DOP1A: variants seen among roughly 807,000 people sequenced by gnomAD.
The protein encoded by DOP1A is DOP1 leucine zipper like protein A, also known as protein DOP1A.
In DOP1A, 90 loss-of-function variants were observed where a neutral mutation model predicts 267.6. The observed-to-expected ratio is 0.34, with a 90% CI of 0.28 to 0.40. The LOEUF (loss-of-function observed/expected upper bound fraction) is 0.40. DOP1A is among the 10% of genes least tolerant of loss of function. The pLI is 1.00. For missense variants in DOP1A, 2,437 were observed against 2,900.4 expected (o/e 0.84, Z 3.67); for synonymous variants, 932 against 999.1 (o/e 0.93, Z 1.27).
chr6:83,142,385 G>A (rs1471880449), intron 24 of DOP1A, among the ~76,000 whole-genome samples: 2 of 152,234 alleles, frequency 1.3e-5, no homozygotes, highest in Admixed American at 6.5e-5. Flanking sequence ...GCACACGCCT[G>A]TAGTCCCAGG....
At chr6:83,162,983 A>G (rs1003439782) in intron 38 of DOP1A, 64 bp downstream of exon 38, 7 of 1,504,338 alleles carry the variant, frequency 4.7e-6, no homozygotes, top group Non-Finnish European at 6.3e-6. Flanking sequence ...TGAGGTATTT[A>G]TTAAATACTT....
downstream of DOP1A, chr6:83,170,439 T>TTTCA: frequency 6.2e-7 from 1 of 1,614,156 alleles, no homozygotes; most frequent in Non-Finnish European, 8.5e-7. Flanking sequence ...ACTGCTTGTC[T>TTTCA]TTCAGCATCG....
intron 24 of DOP1A, 75 bp from the exon 25 acceptor site, chr6:83,145,449 A>C (rs1016727374): frequency 1.6e-6 from 2 of 1,262,690 alleles, no homozygotes; most frequent in Non-Finnish European, 2.1e-6. Flanking sequence ...AAGAGATCAT[A>C]AAATACTCTC....
In DOP1A at chr6:83,140,046, C is replaced by G. The variant is rs1464604089; in HGVS notation, c.5167C>G (p.Leu1723Val). The G allele has an allele frequency of 1.2e-6, 2 of 1,613,664 alleles. No individual in the cohort carries two copies. Among genetic ancestry groups the G allele is most frequent in the Non-Finnish European group, 8.5e-7 (1 of 1,179,770 alleles). ...SIIPPDMILT[L>V]LEGITAIIHY... ...TATTCCACCAGATATGATTCTTACT[C>G]TTTTGGAAGGGATTACAGCCATTAT... The change falls in exon 22 of 39, where the codon CTT (leucine) becomes GTT (valine). Residue 1723 changes from leucine (L) to valine (V), a missense_variant. Leu to Val is a conservative substitution (Grantham distance 32). This residue lies in a region of DOP1A where 307 missense variants were observed against 308.6 expected (regional missense o/e 0.99). Coordinates refer to ENST00000349129, the MANE Select transcript of DOP1A (RefSeq NM_015018.4).
intron 6 of DOP1A, among the ~76,000 whole-genome samples, chr6:83,112,210 A>C (rs978414875): frequency 1.3e-5 from 2 of 152,132 alleles, no homozygotes; most frequent in Non-Finnish European, 2.9e-5. Flanking sequence ...GCTACTATAG[A>C]TAAATAAAAA....
chr6:83,148,417 A>G (rs992176469), intron 26 of DOP1A, among the ~76,000 whole-genome samples: 1 of 151,838 alleles, frequency 6.6e-6, no homozygotes, highest in African/African-American at 2.4e-5. Flanking sequence ...CCATCTCAAA[A>G]AAAAAGACAA....
chr6:83,076,692 C>A (rs1767152428), intron 1 of DOP1A, among the ~76,000 whole-genome samples: 1 of 151,954 alleles, frequency 6.6e-6, no homozygotes, highest in Non-Finnish European at 1.5e-5. Flanking sequence ...TGGTTCAGCC[C>A]CTGTGGAACA....
At position 83,073,041 on chromosome 6, in the gene DOP1A, A is replaced by G; in HGVS notation, c.-147+5262A>G. ...AAATAAGTGTTTGAATGACTTCCATATTATATACAGCATTACCACCAAGTA... is the reference window on the plus strand; with the variant it reads ...AAATAAGTGTTTGAATGACTTCCATGTTATATACAGCATTACCACCAAGTA... On this transcript the variant is annotated intron_variant, in intron 1 of 38. Transcript: ENST00000349129. The G allele has an allele frequency of 6.2e-6, 2 of 324,632 alleles. 1 individual carries two copies. The highest frequency in any genetic ancestry group is 5.1e-5 in the South Asian group (2 of 39,598). The allele number at this position is 324,632 out of a possible 1,614,324, so 20.1% of individuals were successfully genotyped here.
chr6:83,075,601 C>T (rs1055455352), intron 1 of DOP1A, among the ~76,000 whole-genome samples: 2 of 152,112 alleles, frequency 1.3e-5, no homozygotes, highest in Non-Finnish European at 2.9e-5. Flanking sequence ...AAAATTATTG[C>T]AAAGCTATAG....
rs1260111940 is a variant in DOP1A, at chr6:83,125,594, C to T, written c.1580C>T (p.Ser527Phe). 1.9e-6 allele frequency: 3 copies of T among 1,613,858 alleles called. No individual in the cohort carries two copies. In the South Asian group the frequency reaches 3.3e-5, roughly 18 times the overall value. The change falls in exon 15 of 39, where the codon TCT becomes TTT. Residue 527 changes from serine to phenylalanine, a missense_variant. Ser to Phe is a radical substitution (Grantham distance 155). This residue lies in a region of DOP1A where 498 missense variants were observed against 513.5 expected (regional missense o/e 0.97). Transcript: ENST00000349129. The part of the protein sequence containing the change: ...LTSHLQTLHL[S>F]ELTDSLRLCS... ...AGCCATCTCCAGACATTGCACTTAT[C>T]TGAACTCACAGATTCTCTCAGACTC...
At chr6:83,149,898 A>T (rs1781297771) in intron 27 of DOP1A, among the ~76,000 whole-genome samples, 1 of 152,172 alleles carries the variant, frequency 6.6e-6, no homozygotes, top group South Asian at 2.1e-4. Flanking sequence ...GAGGTTAAGG[A>T]AGGTGAGGAA....
At chr6:83,135,551 A>T (rs1381303453) in intron 19 of DOP1A, 68 bp from the exon 20 acceptor site, 1 of 1,452,412 alleles carries the variant, frequency 6.9e-7, no homozygotes, top group African/African-American at 1.4e-5. Flanking sequence ...AGAATTTATT[A>T]ATTTTATAAA....
intron 36 of DOP1A, 57 bp downstream of exon 36, chr6:83,158,679 G>T: frequency 8.4e-7 from 1 of 1,184,992 alleles, no homozygotes; most frequent in Non-Finnish European, 1.2e-6. Context: ...AAATTATTCA[G>T]AATATTACTC....
intron 1 of DOP1A, among the ~76,000 whole-genome samples, chr6:83,086,358 C>A (rs572632947): frequency 6.6e-6 from 1 of 152,204 alleles, no homozygotes; most frequent in Admixed American, 6.5e-5. Flanking sequence ...GGAAGTGGAT[C>A]ATCACAAAGA....
intron 34 of DOP1A, among the ~76,000 whole-genome samples, chr6:83,156,515 G>A (rs956575842): frequency 2.0e-5 from 3 of 152,270 alleles, no homozygotes; most frequent in African/African-American, 4.8e-5. Context: ...GGACTGCATG[G>A]GGGATTATGT....
At position 83,121,941 on chromosome 6, in the gene DOP1A, C is replaced by A; in HGVS notation, c.1111C>A (p.Leu371Ile). ...LDKPELGPVI[L>I]EDVLIEVFRT... is the part of the protein sequence containing the mutation. ...AATATTAATTTTAGGACCTGTAATT[C>A]TAGAAGATGTCCTGATTGAAGTGTT... Residue 371 changes from leucine to isoleucine, a missense_variant, in exon 11 of 39, where the codon CTA becomes ATA. Leu to Ile is a conservative substitution (Grantham distance 5, BLOSUM62 2). Transcript: ENST00000349129. 6.3e-7 allele frequency: 1 copy of A among 1,599,478 alleles called. No homozygotes were observed. Among genetic ancestry groups the A allele is most frequent in the Admixed American group, 1.7e-5 (1 of 58,642 alleles).
Position 83,147,299 on chromosome 6 carries a change from T to C in DOP1A, c.5732+8T>C. On this transcript the variant is annotated splice_region_variant and intron_variant, in intron 26 of 38. Coordinates refer to ENST00000349129, the MANE Select transcript of DOP1A (RefSeq NM_015018.4). ...CTATGCTTATATTCAAAGGTAAGAT[T>C]ACTGATATTGATCTGTCCTTACTAT... 1.4e-6 allele frequency: 2 copies of C among 1,446,358 alleles called. No individual in the cohort carries two copies. Among genetic ancestry groups the C allele is most frequent in the Non-Finnish European group, 1.9e-6 (2 of 1,046,328 alleles). 89.6% of individuals were successfully genotyped at this position (1,446,358 alleles called of 1,614,324 possible).
chr6:83,169,602 C>T (rs1786652574), downstream of DOP1A: 2 of 459,054 alleles, frequency 4.4e-6, no homozygotes, highest in Admixed American at 6.4e-5. Context: ...TTCAATAAAA[C>T]TTTAATCCAC....
At position 83,157,195 on chromosome 6, in the gene DOP1A, G is replaced by A; in HGVS notation, c.6618G>A (p.Glu2206=). The change falls in exon 35 of 39, where the codon GAG becomes GAA. Residue 2206 remains glutamate (E), a synonymous_variant. Transcript: ENST00000349129. Reference sequence around the variant, plus strand: ...CATTTCTTTCAGAGAGATTGGTTGAGAGTCTCCGTTTGCCACAGGTGCCAA... The same window carrying A: ...CATTTCTTTCAGAGAGATTGGTTGAAAGTCTCCGTTTGCCACAGGTGCCAA... ...YLPDIQERLV[E]SLRLPQVPTL... is the part of the protein sequence containing the mutation. 1.2e-6 allele frequency: 2 copies of A among 1,613,166 alleles called. No individual in the cohort carries two copies. The highest frequency in any genetic ancestry group is 1.7e-6 in the Non-Finnish European group (2 of 1,179,854).
Sources: allele counts gnomAD v4.1 joint callset (sites outside exome capture counted in the v4.1 genomes callset), GRCh38; gene constraint gnomAD v4.1.1; regional missense constraint gnomAD v4.1.1; transcripts MANE v1.5; gene names NCBI Gene and HGNC (gene_info 2026-07-23, HGNC 2026-07-21).